Variants in PGGT1B observed in about 807,000 individuals in gnomAD.
PGGT1B encodes the protein protein geranylgeranyltransferase type I subunit beta, also known as geranylgeranyl transferase type-1 subunit beta.
PGGT1B carries 30 observed loss-of-function variants against 46.1 expected under a neutral mutation model. That is an observed-to-expected ratio of 0.65 (90% CI 0.49 to 0.88). The LOEUF (loss-of-function observed/expected upper bound fraction) is 0.88. Among genes scored for constraint, PGGT1B ranks in the 40% least tolerant of loss-of-function variants. The pLI, the probability that PGGT1B is intolerant of heterozygous loss-of-function variation, is 0.00. For synonymous variants in PGGT1B, 170 were observed against 160.0 expected (o/e 1.06, Z -0.47); for missense variants, 376 against 455.9 (o/e 0.82, Z 1.60).
chr5:115,216,726 C>T (rs908281723), intron 8 of PGGT1B, 139 bp downstream of exon 8: 3 of 658,260 alleles, frequency 4.6e-6, no homozygotes, highest in African/African-American at 1.8e-5. Flanking sequence ...TAAGCTTACA[C>T]AATATACCTT....
At position 115,208,833 on chromosome 5, in the gene PGGT1B, T is replaced by A. The variant is rs895877625; in HGVS notation, c.*3569A>T. 3.9e-5 allele frequency: 6 copies of A among 152,078 alleles called. No individual in the cohort carries two copies. The highest frequency in any genetic ancestry group is 1.4e-4 in the African/African-American group (6 of 41,436). The allele number at this position is 152,078 out of a possible 1,614,324, so 9.4% of individuals were successfully genotyped here. A position where few individuals can be genotyped will look rare whatever the true frequency, so the allele number is the denominator to read the frequency against. On this transcript the variant is annotated 3_prime_UTR_variant, in exon 9 of 9. Transcript: ENST00000419445. Reference sequence around the variant, plus strand: ...TTATTGATAACTGTACTAATTAATATAAATTTCCTGTCATATTTGCATTTT... The same window carrying A: ...TTATTGATAACTGTACTAATTAATAAAAATTTCCTGTCATATTTGCATTTT...
intron 7 of PGGT1B, among the ~76,000 whole-genome samples, chr5:115,221,563 T>G (rs1483013563): frequency 6.6e-6 from 1 of 151,996 alleles, no homozygotes; most frequent in Admixed American, 6.6e-5. Context: ...ATTTAATATG[T>G]TCTATGTAAG....
intron 2 of PGGT1B, among the ~76,000 whole-genome samples, chr5:115,243,162 C>T (rs770134366): frequency 7.8e-4 from 118 of 152,214 alleles, no homozygotes; most frequent in Non-Finnish European, 1.0e-3. Context: ...CTACTTAAAA[C>T]TTGCCAATAT....
Position 115,210,048 on chromosome 5 carries a change from A to G in PGGT1B, c.*2354T>C, listed in dbSNP as rs1024632712. The G allele has an allele frequency of 2.0e-5, 3 of 152,152 alleles. No individual in the cohort carries two copies. The highest frequency in any genetic ancestry group is 4.4e-5 in the Non-Finnish European group (3 of 68,008). 9.4% of individuals were successfully genotyped at this position (152,152 alleles called of 1,614,324 possible). On this transcript the variant is annotated 3_prime_UTR_variant, in exon 9 of 9. Transcript: ENST00000419445. Reference sequence around the variant, plus strand: ...CTATATGAATTTAGATTAAATATAAATAACTAAAGATCTAATAACACATAT... The same window carrying G: ...CTATATGAATTTAGATTAAATATAAGTAACTAAAGATCTAATAACACATAT...
At chr5:115,218,133 C>T (rs867201252) in intron 7 of PGGT1B, among the ~76,000 whole-genome samples, 1 of 151,582 alleles carries the variant, frequency 6.6e-6, no homozygotes, top group East Asian at 1.9e-4. Flanking sequence ...TAACGGGTAA[C>T]AATTTGTTGG....
At chr5:115,217,029 G>A (rs994090455) in intron 7 of PGGT1B, 56 bp from the exon 8 acceptor site, 2 of 800,584 alleles carry the variant, frequency 2.5e-6, no homozygotes, top group African/African-American at 1.7e-5. Context: ...TCAACCTTTG[G>A]CTCAAATTTC....
At position 115,207,132 on chromosome 5, in the gene PGGT1B, G is replaced by A. The variant is rs1404490914; in HGVS notation, c.*5270C>T. 2 of 136,156 alleles carry A rather than the reference G, an allele frequency of 1.5e-5. No homozygotes were observed. Among genetic ancestry groups the A allele is most frequent in the East Asian group, 4.1e-4 (2 of 4,874 alleles). 8.4% of individuals were successfully genotyped at this position (136,156 alleles called of 1,614,324 possible). A position where few individuals can be genotyped will look rare whatever the true frequency, so the allele number is the denominator to read the frequency against. On this transcript the variant is annotated 3_prime_UTR_variant, in exon 9 of 9. Transcript: ENST00000419445. ...TTTTACTTTTGCTATCACAAAGGTG[G>A]TCTTCTCTTCAAGTATCTTCTAACT...
In PGGT1B at chr5:115,210,015, C is replaced by T. The variant is rs1756176549; in HGVS notation, c.*2387G>A. 1 of 152,012 alleles carries T rather than the reference C, an allele frequency of 6.6e-6. No individual in the cohort carries two copies. The highest frequency in any genetic ancestry group is 2.4e-5 in the African/African-American group (1 of 41,392). The allele number at this position is 152,012 out of a possible 1,614,324, so 9.4% of individuals were successfully genotyped here. Reference sequence around the variant, plus strand: ...TTTTCAAATTATATACCACTGTCAGCAAGATTTCTATATGAATTTAGATTA... The same window carrying T: ...TTTTCAAATTATATACCACTGTCAGTAAGATTTCTATATGAATTTAGATTA... On this transcript the variant is annotated 3_prime_UTR_variant, in exon 9 of 9. Coordinates refer to ENST00000419445, the MANE Select transcript of PGGT1B (RefSeq NM_005023.4).
rs1489862659 is a variant in PGGT1B at position 115,208,513 on chromosome 5, TG to T, written c.*3888del. On this transcript the variant is annotated 3_prime_UTR_variant, in exon 9 of 9. Transcript: ENST00000419445. Reference sequence around the variant, plus strand: ...CTCAAAATAGTTTTTGAATTTATTGTGTAAAATTGCTCAAAATAGTCAATTT... The same window carrying T: ...CTCAAAATAGTTTTTGAATTTATTGTTAAAATTGCTCAAAATAGTCAATTT... The T allele has an allele frequency of 6.6e-6, 1 of 152,088 alleles. No homozygotes were observed. Among genetic ancestry groups the T allele is most frequent in the Non-Finnish European group, 1.5e-5 (1 of 67,972 alleles). 9.4% of individuals were successfully genotyped at this position (152,088 alleles called of 1,614,324 possible). A position where few individuals can be genotyped will look rare whatever the true frequency, so the allele number is the denominator to read the frequency against.
In PGGT1B at chr5:115,237,947, TGA is replaced by T. The variant is rs1360576303; in HGVS notation, c.388_389del (p.Ser130MetfsTer14). 1 of 1,612,660 alleles carries T rather than the reference TGA, an allele frequency of 6.2e-7. No homozygotes were observed. Among genetic ancestry groups the T allele is most frequent in the Non-Finnish European group, 8.5e-7 (1 of 1,179,556 alleles). On this transcript the variant is annotated frameshift_variant, in exon 4 of 9. Transcript: ENST00000419445. LOFTEE classifies it high-confidence loss of function. ...GHIAMTYTGL[S>X]CLVILGDDLS... ...AGTCGTCTCCAAGAATAACTAAGCA[TGA>T]GAGGCCAGTGTAGGTCATTGCAATG...
At chr5:115,261,402 CT>C (rs1748550108) in intron 1 of PGGT1B, among the ~76,000 whole-genome samples, 1 of 152,196 alleles carries the variant, frequency 6.6e-6, no homozygotes, top group Admixed American at 6.5e-5. Flanking sequence ...ATTTAAGGTC[CT>C]AGTGCAATGT....
chr5:115,230,108 C>G (rs1202066633), intron 6 of PGGT1B, among the ~76,000 whole-genome samples: 1 of 151,976 alleles, frequency 6.6e-6, no homozygotes, highest in Non-Finnish European at 1.5e-5. Context: ...TCTTATAATA[C>G]TAACAACAAT....
chr5:115,227,859 T>C (rs1028063144), intron 6 of PGGT1B, among the ~76,000 whole-genome samples: 1 of 152,152 alleles, frequency 6.6e-6, no homozygotes, highest in African/African-American at 2.4e-5. Context: ...TATCAGATGG[T>C]AGTGGGCAAA....
At chr5:115,245,565 G>C (rs751109420) in intron 2 of PGGT1B, among the ~76,000 whole-genome samples, 3 of 152,106 alleles carry the variant, frequency 2.0e-5, no homozygotes, top group Non-Finnish European at 2.9e-5. Flanking sequence ...AAAGGTTAAA[G>C]GACATGTTTA....
At chr5:115,252,380 C>A (rs1202101752) in intron 2 of PGGT1B, among the ~76,000 whole-genome samples, 4 of 151,800 alleles carry the variant, frequency 2.6e-5, no homozygotes, top group African/African-American at 9.7e-5. Flanking sequence ...AAAGTTTTAG[C>A]TTATTATTTC....
chr5:115,241,807 A>G (rs1311860939), intron 2 of PGGT1B, among the ~76,000 whole-genome samples: 1 of 152,202 alleles, frequency 6.6e-6, no homozygotes, highest in East Asian at 1.9e-4. Flanking sequence ...ATGAGTCACA[A>G]AAAACATAAT....
intron 3 of PGGT1B, among the ~76,000 whole-genome samples, chr5:115,240,031 G>C (rs1363124440): frequency 6.6e-6 from 1 of 152,030 alleles, no homozygotes; most frequent in Non-Finnish European, 1.5e-5. Context: ...CATTCTCTTG[G>C]CCTAATCTGT....
chr5:115,249,260 T>C (rs1747985010), intron 2 of PGGT1B, among the ~76,000 whole-genome samples: 2 of 152,200 alleles, frequency 1.3e-5, no homozygotes, highest in African/African-American at 4.8e-5. Context: ...ATCATATATA[T>C]TATAAGTAAA....
intron 8 of PGGT1B, among the ~76,000 whole-genome samples, chr5:115,215,479 A>C (rs1287185373): frequency 1.3e-5 from 2 of 151,964 alleles, no homozygotes; most frequent in African/African-American, 4.8e-5. Flanking sequence ...TTGTATTTTT[A>C]GTAGAGGCAA....
Sources: gnomAD v4.1 joint callset for allele counts (sites outside exome capture counted in the v4.1 genomes callset) on GRCh38, gnomAD v4.1.1 for gene constraint, MANE v1.5 for transcripts, NCBI Gene and HGNC (gene_info 2026-07-23, HGNC 2026-07-21) for gene names.